GABRB2: variants seen among roughly 807,000 people sequenced by gnomAD.
The protein encoded by GABRB2 is gamma-aminobutyric acid type A receptor subunit beta2, also known as gamma-aminobutyric acid receptor subunit beta-2.
In GABRB2, 16 loss-of-function variants were observed where a neutral mutation model predicts 54.7. The observed-to-expected ratio is 0.29, with a 90% CI of 0.20 to 0.44. The LOEUF is 0.44. Among genes scored for constraint, GABRB2 ranks in the 20% least tolerant of loss-of-function variants. The probability of loss-of-function intolerance (pLI) is 1.00; values close to 1 mark genes in which losing one functional copy is unlikely to be tolerated. For synonymous variants in GABRB2, 244 were observed against 233.8 expected, an observed-to-expected ratio of 1.04 and a Z score of -0.40; for missense variants, 355 against 644.0, an observed-to-expected ratio of 0.55 and a Z score of 4.86.
intron 4 of GABRB2, among the ~76,000 whole-genome samples, chr5:161,454,355 T>C (rs1298989472): frequency 6.6e-6 from 1 of 152,172 alleles, no homozygotes; most frequent in African/African-American, 2.4e-5. Context: ...CTCTACAAGT[T>C]TGCATCCTCA....
chr5:161,440,352 T>G (rs1490091040), intron 4 of GABRB2, among the ~76,000 whole-genome samples: 1 of 152,086 alleles, frequency 6.6e-6, no homozygotes, highest in African/African-American at 2.4e-5. Context: ...GAAACGCACT[T>G]CAACTATAAA....
Position 161,289,812 on chromosome 5 carries a change from T to A in GABRB2, c.*4269A>T, listed in dbSNP as rs1757188753. The stretch of plus-strand genomic sequence containing the variant: ...TTGAGTGTGTGTGTGTGTGTGTGTG[T>A]GACTGTGTGTGACTGTGTGTGTGAT... On this transcript the variant is annotated 3_prime_UTR_variant, in exon 10 of 10. Coordinates refer to ENST00000393959, the MANE Select transcript of GABRB2 (RefSeq NM_001371727.1). 7.5e-6 allele frequency: 1 copy of A among 133,436 alleles called. No homozygotes were observed. 8.3% of individuals were successfully genotyped at this position (133,436 alleles called of 1,614,324 possible). A position where few individuals can be genotyped will look rare whatever the true frequency, so the allele number is the denominator to read the frequency against.
chr5:161,305,474 GA>G (rs1757663892), intron 9 of GABRB2, among the ~76,000 whole-genome samples: 1 of 152,178 alleles, frequency 6.6e-6, no homozygotes, highest in African/African-American at 2.4e-5. Flanking sequence ...GTAGGAATGA[GA>G]ATCTGCCTAC....
intron 3 of GABRB2, among the ~76,000 whole-genome samples, chr5:161,486,492 G>A (rs1426110279): frequency 6.6e-6 from 1 of 151,856 alleles, no homozygotes; most frequent in African/African-American, 2.4e-5. Flanking sequence ...ATATATCACT[G>A]AAAAATGTTC....
At chr5:161,495,658 G>T (rs1759217479) in intron 3 of GABRB2, among the ~76,000 whole-genome samples, 1 of 151,948 alleles carries the variant, frequency 6.6e-6, no homozygotes, top group Non-Finnish European at 1.5e-5. Context: ...GGCCATAAAT[G>T]GAAGATTTCT....
chr5:161,330,842 A>G (rs776427056), intron 8 of GABRB2, 41 bp downstream of exon 8: 3 of 1,613,262 alleles, frequency 1.9e-6, no homozygotes, highest in Admixed American at 1.7e-5. Flanking sequence ...GCATTCTTCC[A>G]TGAGTTTAAG....
chr5:161,367,459 A>G (rs745647706), intron 5 of GABRB2, among the ~76,000 whole-genome samples: 2 of 152,082 alleles, frequency 1.3e-5, no homozygotes, highest in Non-Finnish European at 2.9e-5. Flanking sequence ...TTGAAAAACA[A>G]CCATATATTT....
intron 4 of GABRB2, among the ~76,000 whole-genome samples, chr5:161,439,712 G>A (rs1301404951): frequency 6.6e-6 from 1 of 151,926 alleles, no homozygotes; most frequent in Non-Finnish European, 1.5e-5. Context: ...TTGTCTGCTT[G>A]TATGCTTACG....
intron 3 of GABRB2, among the ~76,000 whole-genome samples, chr5:161,522,036 A>T (rs1760130514): frequency 6.6e-6 from 1 of 151,878 alleles, no homozygotes; most frequent in Non-Finnish European, 1.5e-5. Context: ...CAGAAGTCAA[A>T]TAGAAGTTAT....
chr5:161,524,492 C>T (rs1760211795), intron 3 of GABRB2, among the ~76,000 whole-genome samples: 1 of 151,600 alleles, frequency 6.6e-6, no homozygotes, highest in Non-Finnish European at 1.5e-5. Context: ...CCAGATTGTA[C>T]ATAAAGTGAG....
chr5:161,337,386 T>G (rs987994866), intron 5 of GABRB2, among the ~76,000 whole-genome samples: 3 of 152,138 alleles, frequency 2.0e-5, no homozygotes, highest in Non-Finnish European at 4.4e-5. Context: ...ATATTTAGTT[T>G]CAAAGAAAAT....
chr5:161,328,925 T>C (rs570112169), intron 8 of GABRB2, among the ~76,000 whole-genome samples: 1 of 152,286 alleles, frequency 6.6e-6, no homozygotes, highest in Admixed American at 6.5e-5. Flanking sequence ...ATCTCTGGTA[T>C]CTTTTTTGTT....
intron 5 of GABRB2, among the ~76,000 whole-genome samples, chr5:161,410,388 T>TCACACACA (rs1491564761): frequency 0.013 from 1,987 of 149,704 alleles, 52 homozygotes; most frequent in African/African-American, 0.043. Context: ...TAAACAGAAT[T>TCACACACA]CTCACACACA....
At position 161,434,294 on chromosome 5, in the gene GABRB2, C is replaced by T. The variant is rs941212215; in HGVS notation, c.459-23237G>A. On this transcript the variant is annotated intron_variant, in intron 4 of 9. Transcript: ENST00000393959. The stretch of plus-strand genomic sequence containing the variant: ...AAATGCTATTTATTTGTAGTCAAGA[C>T]CTAAGAACTCAAAAATTCTAAATTG... 2.0e-5 allele frequency among the ~76,000 whole-genome samples: 3 copies of T among 152,118 alleles called. No homozygotes were observed. In the South Asian group the frequency reaches 6.2e-4, roughly 32 times the overall value.
intron 3 of GABRB2, among the ~76,000 whole-genome samples, chr5:161,495,911 C>G (rs1026589899): frequency 1.3e-5 from 2 of 152,076 alleles, no homozygotes; most frequent in African/African-American, 2.4e-5. Flanking sequence ...CTACTGCAAA[C>G]CTTCATATTA....
At chr5:161,388,180 T>C (rs1041300126) in intron 5 of GABRB2, among the ~76,000 whole-genome samples, 4 of 152,098 alleles carry the variant, frequency 2.6e-5, no homozygotes, top group African/African-American at 9.7e-5. Flanking sequence ...TAAAGTGACT[T>C]TATGGGGTGC....
At chr5:161,455,731 C>T (rs1033888561) in intron 4 of GABRB2, among the ~76,000 whole-genome samples, 1 of 151,872 alleles carries the variant, frequency 6.6e-6, no homozygotes, top group Non-Finnish European at 1.5e-5. Flanking sequence ...CAGGGTTTTG[C>T]TATTTTGCCC....
At chr5:161,506,612 C>G (rs1213078292) in intron 3 of GABRB2, among the ~76,000 whole-genome samples, 3 of 151,892 alleles carry the variant, frequency 2.0e-5, no homozygotes, top group Non-Finnish European at 2.9e-5. Flanking sequence ...TAATGACAGA[C>G]CTGAATAATT....
intron 4 of GABRB2, chr5:161,459,240 G>A (rs1301897061): frequency 2.2e-5 from 5 of 231,156 alleles, no homozygotes; most frequent in African/African-American, 9.2e-5. Context: ...CCATGATCCC[G>A]TTGAGGCAGC....
Sources: allele counts gnomAD v4.1 joint callset (sites outside exome capture counted in the v4.1 genomes callset), GRCh38; gene constraint gnomAD v4.1.1; transcripts MANE v1.5; gene names NCBI Gene and HGNC (gene_info 2026-07-23, HGNC 2026-07-21).